DLG2: variants seen among roughly 807,000 people sequenced by gnomAD.
DLG2 encodes discs large MAGUK scaffold protein 2, also known as disks large homolog 2.
A neutral mutation model predicts 132.5 loss-of-function variants in DLG2; 45 were observed. The observed-to-expected ratio is 0.34, with a 90% CI of 0.27 to 0.44. The LOEUF (loss-of-function observed/expected upper bound fraction) is 0.44. Among genes scored for constraint, DLG2 ranks in the 20% least tolerant of loss-of-function variants. The probability of loss-of-function intolerance (pLI) is 1.00; values close to 1 mark genes in which losing one functional copy is unlikely to be tolerated. For missense variants in DLG2, 1,045 were observed against 1,196.9 expected (o/e 0.87, Z 1.87); for synonymous variants, 424 against 419.6 (o/e 1.01, Z -0.13).
chr11:84,627,542 C>T (rs2099624844), intron 6 of DLG2, among the ~76,000 whole-genome samples: 1 of 152,202 alleles, frequency 6.6e-6, no homozygotes, highest in South Asian at 2.1e-4. Flanking sequence ...AAGGCTTGTA[C>T]CCAAAAGTAG....
In DLG2 at chr11:84,770,806, T is replaced by G. The variant is rs536400154; in HGVS notation, c.358-236075A>C. ...GACTACAGGTGCCAGCTACCACGCC[T>G]GGCTAATTTTTTTTTTTTTTTAAGT... On this transcript the variant is annotated intron_variant, in intron 6 of 27. Transcript: ENST00000376104. 2.0e-5 allele frequency among the ~76,000 whole-genome samples: 3 copies of G among 150,006 alleles called. No homozygotes were observed. In the South Asian group the frequency reaches 6.4e-4, roughly 32 times the overall value.
At chr11:85,086,333 A>G (rs1418954628) in intron 6 of DLG2, among the ~76,000 whole-genome samples, 4 of 152,178 alleles carry the variant, frequency 2.6e-5, no homozygotes, top group Non-Finnish European at 5.9e-5. Context: ...CTCATCAAAT[A>G]AACTCTTCTG....
chr11:84,109,594 T>C (rs1317229413), intron 9 of DLG2, among the ~76,000 whole-genome samples: 1 of 152,222 alleles, frequency 6.6e-6, no homozygotes, highest in African/African-American at 2.4e-5. Flanking sequence ...TCTTCTGTCC[T>C]GTAACAGTAT....
chr11:84,123,442 A>G (rs1372958078), intron 9 of DLG2, among the ~76,000 whole-genome samples: 1 of 152,216 alleles, frequency 6.6e-6, no homozygotes, highest in Non-Finnish European at 1.5e-5. Flanking sequence ...TTAATCCTCC[A>G]TTAACCCTGG....
At chr11:85,585,996 C>T (rs986732329) in intron 3 of DLG2, among the ~76,000 whole-genome samples, 2 of 152,182 alleles carry the variant, frequency 1.3e-5, no homozygotes, top group Admixed American at 6.5e-5. Flanking sequence ...GGATTACAGG[C>T]GTGAGCCTCC....
intron 21 of DLG2, among the ~76,000 whole-genome samples, chr11:83,506,083 A>G (rs1418964646): frequency 6.6e-6 from 1 of 152,170 alleles, no homozygotes; most frequent in Non-Finnish European, 1.5e-5. Flanking sequence ...CTATGGCTAG[A>G]TGGGTCAGAA....
chr11:85,443,555 T>C (rs2091882939), intron 3 of DLG2, among the ~76,000 whole-genome samples: 1 of 152,220 alleles, frequency 6.6e-6, no homozygotes, highest in Non-Finnish European at 1.5e-5. Context: ...TCCAGACTTG[T>C]GTGACTCTTA....
chr11:84,231,999 G>C (rs186552674), intron 8 of DLG2, among the ~76,000 whole-genome samples: 4 of 151,730 alleles, frequency 2.6e-5, no homozygotes, highest in Non-Finnish European at 5.9e-5. Flanking sequence ...TTGATAGTGA[G>C]GTAATTTACC....
chr11:84,407,791 T>G (rs2098864557), intron 7 of DLG2, among the ~76,000 whole-genome samples: 1 of 152,224 alleles, frequency 6.6e-6, no homozygotes, highest in Admixed American at 6.5e-5. Flanking sequence ...ACCGATAGCC[T>G]GTGGTAGAAT....
intron 7 of DLG2, among the ~76,000 whole-genome samples, chr11:84,277,798 C>A (rs555217215): frequency 6.6e-6 from 1 of 152,186 alleles, no homozygotes; most frequent in South Asian, 2.1e-4. Flanking sequence ...GACACTCTAG[C>A]AAGACTGATT....
At chr11:84,149,720 T>TTTTATTTA (rs111864510) in intron 9 of DLG2, among the ~76,000 whole-genome samples, 1 of 152,050 alleles carries the variant, frequency 6.6e-6, no homozygotes, top group Non-Finnish European at 1.5e-5. Flanking sequence ...TACATAAGAA[T>TTTTATTTA]TTTATTTATT....
chr11:84,187,560 G>A (rs1307747177), intron 8 of DLG2, among the ~76,000 whole-genome samples: 3 of 151,938 alleles, frequency 2.0e-5, no homozygotes, highest in Non-Finnish European at 4.4e-5. Context: ...AAAACCAAGA[G>A]AGAAAATTCA....
intron 6 of DLG2, among the ~76,000 whole-genome samples, chr11:84,710,605 C>G (rs186485156): frequency 5.3e-5 from 8 of 151,870 alleles, no homozygotes; most frequent in African/African-American, 1.9e-4. Context: ...TTAATCCCTG[C>G]CTGGTTTAAT....
intron 18 of DLG2, among the ~76,000 whole-genome samples, chr11:83,662,711 A>T (rs563128630): frequency 1.1e-3 from 167 of 152,252 alleles, no homozygotes; most frequent in African/African-American, 3.8e-3. Context: ...TGCCACCACC[A>T]TGCTTCCCAC....
chr11:84,103,633 G>A (rs775747945), intron 9 of DLG2, among the ~76,000 whole-genome samples: 6 of 151,924 alleles, frequency 3.9e-5, no homozygotes, highest in Admixed American at 1.3e-4. Context: ...TCTTCCCCAC[G>A]AGCACAAACC....
chr11:83,566,447 T>A (rs1463368087), intron 19 of DLG2, among the ~76,000 whole-genome samples: 2 of 152,120 alleles, frequency 1.3e-5, no homozygotes, highest in Non-Finnish European at 2.9e-5. Context: ...TCCTTTGTGA[T>A]CTCATTTGGT....
intron 2 of DLG2, among the ~76,000 whole-genome samples, chr11:85,606,570 C>T (rs1420643516): frequency 6.6e-6 from 1 of 152,072 alleles, no homozygotes; most frequent in Non-Finnish European, 1.5e-5. Flanking sequence ...GTGGGTGGGG[C>T]CAAATAAGGG....
At chr11:84,962,788 G>A (rs981139428) in intron 6 of DLG2, among the ~76,000 whole-genome samples, 1 of 152,172 alleles carries the variant, frequency 6.6e-6, no homozygotes, top group African/African-American at 2.4e-5. Flanking sequence ...AAAGAATGTG[G>A]GAAAGCTAGC....
intron 9 of DLG2, among the ~76,000 whole-genome samples, chr11:84,112,039 G>T (rs1227084665): frequency 6.6e-6 from 1 of 151,296 alleles, no homozygotes; most frequent in Non-Finnish European, 1.5e-5. Context: ...TTGAGACAGA[G>T]TCTCACTCTG....
Sources: gnomAD v4.1 joint callset for allele counts (sites outside exome capture counted in the v4.1 genomes callset) on GRCh38, gnomAD v4.1.1 for gene constraint, MANE v1.5 for transcripts, NCBI Gene and HGNC (gene_info 2026-07-23, HGNC 2026-07-21) for gene names.